Variants in GRIN2B observed in about 807,000 individuals in gnomAD.
The protein encoded by GRIN2B is glutamate ionotropic receptor NMDA type subunit 2B.
GRIN2B carries 5 observed loss-of-function variants against 114.5 expected under a neutral mutation model. That is an observed-to-expected ratio of 0.04 (90% confidence interval 0.02 to 0.09). The LOEUF is 0.09. Among genes scored for constraint, GRIN2B ranks in the 10% least tolerant of loss-of-function variants. The pLI is 1.00. For missense variants in GRIN2B, 1,108 were observed against 1,943.5 expected, an observed-to-expected ratio of 0.57 and a Z score of 8.08; for synonymous variants, 787 against 745.1, an observed-to-expected ratio of 1.06 and a Z score of -0.92.
chr12:13,880,984 G>A (rs2136764545), intron 2 of GRIN2B, among the ~76,000 whole-genome samples: 1 of 149,168 alleles, frequency 6.7e-6, no homozygotes, highest in East Asian at 2.0e-4. Flanking sequence ...GCTGACAAAG[G>A]GGTATAAGGT....
At chr12:13,607,292 A>AT (rs762366180) in intron 10 of GRIN2B, among the ~76,000 whole-genome samples, 4 of 39,864 alleles carry the variant, frequency 1.0e-4, no homozygotes, top group Non-Finnish European at 1.2e-4. Flanking sequence ...TATATATTAT[A>AT]TAAAAATATA....
intron 3 of GRIN2B, among the ~76,000 whole-genome samples, chr12:13,842,040 G>C (rs1331512202): frequency 6.6e-6 from 1 of 152,172 alleles, no homozygotes; most frequent in African/African-American, 2.4e-5. Flanking sequence ...GAGGCTGTGT[G>C]CCTGGAAGGA....
intron 5 of GRIN2B, among the ~76,000 whole-genome samples, chr12:13,627,812 C>A (rs1949583943): frequency 6.6e-6 from 1 of 152,234 alleles, no homozygotes; most frequent in South Asian, 2.1e-4. Context: ...GGTCACTTGG[C>A]ATCTCTTACC....
chr12:13,597,887 C>CA (rs1273538499), intron 10 of GRIN2B, among the ~76,000 whole-genome samples: 2 of 152,124 alleles, frequency 1.3e-5, no homozygotes, highest in Non-Finnish European at 2.9e-5. Context: ...TTACATAGTT[C>CA]AATAATAAGG....
At chr12:13,688,262 C>T (rs1433118402) in intron 4 of GRIN2B, among the ~76,000 whole-genome samples, 1 of 152,174 alleles carries the variant, frequency 6.6e-6, no homozygotes, top group Non-Finnish European at 1.5e-5. Flanking sequence ...AAATCCAGAT[C>T]TGAATGGCTC....
intron 2 of GRIN2B, among the ~76,000 whole-genome samples, chr12:13,917,898 T>C (rs750251368): frequency 4.6e-5 from 7 of 152,282 alleles, no homozygotes; most frequent in Non-Finnish European, 7.4e-5. Context: ...GAGTTTTTGT[T>C]TTTGTTTTTG....
At chr12:13,897,786 TGATA>T (rs1320544628) in intron 2 of GRIN2B, among the ~76,000 whole-genome samples, 1 of 152,062 alleles carries the variant, frequency 6.6e-6, no homozygotes, top group Non-Finnish European at 1.5e-5. Context: ...ATTTAGATAA[TGATA>T]AATAGATGAT....
At chr12:13,811,489 G>A (rs1478519073) in intron 3 of GRIN2B, among the ~76,000 whole-genome samples, 2 of 152,242 alleles carry the variant, frequency 1.3e-5, no homozygotes, top group African/African-American at 2.4e-5. Context: ...ACTGAGGCAG[G>A]AGGATCACTT....
intron 4 of GRIN2B, among the ~76,000 whole-genome samples, chr12:13,688,218 G>A (rs963135943): frequency 1.3e-5 from 2 of 152,116 alleles, no homozygotes; most frequent in East Asian, 3.9e-4. Context: ...AAAGAAAGAA[G>A]CCACAAACTT....
intron 5 of GRIN2B, among the ~76,000 whole-genome samples, chr12:13,656,074 C>T (rs980987384): frequency 7.2e-6 from 1 of 139,626 alleles, no homozygotes; most frequent in Non-Finnish European, 1.5e-5. Flanking sequence ...GTTCTCTCCA[C>T]TCATCTTCCT....
intron 2 of GRIN2B, among the ~76,000 whole-genome samples, chr12:13,898,674 G>A (rs967743477): frequency 6.6e-6 from 1 of 152,240 alleles, no homozygotes; most frequent in East Asian, 1.9e-4. Context: ...CACTTTAGGA[G>A]GCCAAGGCGG....
intron 4 of GRIN2B, among the ~76,000 whole-genome samples, chr12:13,687,121 C>T (rs1252554612): frequency 6.6e-6 from 1 of 152,130 alleles, no homozygotes; most frequent in African/African-American, 2.4e-5. Context: ...TTCCAGCCAT[C>T]AGCATCATCA....
At chr12:13,822,495 T>C (rs1391081590) in intron 3 of GRIN2B, among the ~76,000 whole-genome samples, 1 of 152,080 alleles carries the variant, frequency 6.6e-6, no homozygotes, top group East Asian at 1.9e-4. Context: ...AAGGTAAATA[T>C]GATAGAATAA....
At chr12:13,807,150 G>T (rs1395304360) in intron 3 of GRIN2B, among the ~76,000 whole-genome samples, 1 of 152,048 alleles carries the variant, frequency 6.6e-6, no homozygotes, top group Non-Finnish European at 1.5e-5. Context: ...TAATGAACAG[G>T]GTGCAAGTTC....
intron 3 of GRIN2B, among the ~76,000 whole-genome samples, chr12:13,845,409 T>C (rs945541977): frequency 1.3e-5 from 2 of 152,188 alleles, no homozygotes; most frequent in Admixed American, 1.3e-4. Flanking sequence ...CTAATTTCAG[T>C]TTGCCCTTGT....
At chr12:13,611,888 A>G (rs775434163) in intron 8 of GRIN2B, 38 bp from the exon 9 acceptor site, 1 of 1,604,922 alleles carries the variant, frequency 6.2e-7, no homozygotes, top group Admixed American at 1.7e-5. Context: ...GGGTTAGAAC[A>G]GAGAGCAAAA....
At chr12:13,909,763 T>C (rs1045421568) in intron 2 of GRIN2B, among the ~76,000 whole-genome samples, 2 of 152,104 alleles carry the variant, frequency 1.3e-5, no homozygotes, top group Admixed American at 6.5e-5. Context: ...AGGAAGTAAA[T>C]AGAGAGAAAA....
intron 2 of GRIN2B, among the ~76,000 whole-genome samples, 168 bp from the exon 3 acceptor site, chr12:13,866,394 G>A (rs554524930): frequency 3.3e-5 from 5 of 152,288 alleles, no homozygotes; most frequent in Admixed American, 2.0e-4. Flanking sequence ...TCTGCAGAAT[G>A]AGAGAAAATG....
At chr12:13,860,613 C>T (rs981455857) in intron 3 of GRIN2B, among the ~76,000 whole-genome samples, 2 of 152,046 alleles carry the variant, frequency 1.3e-5, no homozygotes, top group African/African-American at 2.4e-5. Context: ...CATGAGCCAC[C>T]GTGCCTGGCC....
Sources: gnomAD v4.1 joint callset for allele counts (sites outside exome capture counted in the v4.1 genomes callset) on GRCh38, gnomAD v4.1.1 for gene constraint, MANE v1.5 for transcripts, NCBI Gene and HGNC (gene_info 2026-07-23, HGNC 2026-07-21) for gene names.